KCNC2: variants seen among roughly 807,000 people sequenced by gnomAD.
The protein encoded by KCNC2 is potassium voltage-gated channel subfamily C member 2, also known as voltage-gated potassium channel KCNC2.
KCNC2 carries 21 observed loss-of-function variants against 44.5 expected under a neutral mutation model. That is an observed-to-expected ratio of 0.47 (90% CI 0.33 to 0.68). The LOEUF is 0.68. Among genes scored for constraint, KCNC2 ranks in the 30% least tolerant of loss-of-function variants. The pLI is 0.01. For missense variants in KCNC2, 589 were observed against 826.2 expected (o/e 0.71, Z 3.52); for synonymous variants, 391 against 339.1 (o/e 1.15, Z -1.68).
intron 2 of KCNC2, among the ~76,000 whole-genome samples, chr12:75,128,461 G>A (rs1888593861): frequency 6.6e-6 from 1 of 152,166 alleles, no homozygotes; most frequent in Non-Finnish European, 1.5e-5. Flanking sequence ...AGTTTTAACT[G>A]TAAGAACCTA....
chr12:75,128,860 G>C (rs1445393417), intron 2 of KCNC2, among the ~76,000 whole-genome samples: 4 of 152,274 alleles, frequency 2.6e-5, no homozygotes, highest in East Asian at 1.9e-4. Context: ...GATGCAATTA[G>C]CCTCTCACAT....
intron 2 of KCNC2, among the ~76,000 whole-genome samples, chr12:75,181,916 C>CT (rs61089425): frequency 0.035 from 1,652 of 47,836 alleles, 585 homozygotes; most frequent in Non-Finnish European, 0.051. Context: ...TAATATCTTC[C>CT]TTTTTTTTTT....
At chr12:75,195,401 A>G (rs2030674725) in intron 2 of KCNC2, among the ~76,000 whole-genome samples, 1 of 152,152 alleles carries the variant, frequency 6.6e-6, no homozygotes. Context: ...ATAGTGTTAA[A>G]TCTTGTAAAA....
chr12:75,101,133 C>A (rs1886338408), intron 2 of KCNC2, among the ~76,000 whole-genome samples: 1 of 151,994 alleles, frequency 6.6e-6, no homozygotes, highest in Admixed American at 6.6e-5. Context: ...GGATTTCAAA[C>A]CTTATATTTA....
intron 2 of KCNC2, among the ~76,000 whole-genome samples, chr12:75,064,406 G>A (rs1374416691): frequency 1.3e-5 from 2 of 151,934 alleles, no homozygotes; most frequent in African/African-American, 4.8e-5. Flanking sequence ...TTTTAATACA[G>A]TGTTCTAATT....
At chr12:75,069,356 G>A (rs994729632) in intron 2 of KCNC2, among the ~76,000 whole-genome samples, 7 of 151,558 alleles carry the variant, frequency 4.6e-5, no homozygotes, top group African/African-American at 1.2e-4. Flanking sequence ...GGCTGGTCTC[G>A]AACTCCCGAC....
intron 2 of KCNC2, among the ~76,000 whole-genome samples, chr12:75,097,838 A>G (rs977889486): frequency 1.3e-5 from 2 of 152,130 alleles, no homozygotes; most frequent in African/African-American, 4.8e-5. Context: ...TATGAAATAG[A>G]GACAGTGTTC....
rs2030610608 is a variant in KCNC2, at chr12:75,194,767, G to C, written c.687+12530C>G. Among the ~76,000 whole-genome samples the C allele has an allele frequency of 3.3e-5, 5 of 152,228 alleles. No homozygotes were observed. The South Asian group carries it at 1.0e-3, about 32-fold the overall frequency. ...TGTAAGGAAAATGACTAGGAGCATA[G>C]GTAGTAACAAGATTCTGAAGAACCA... On this transcript the variant is annotated intron_variant, in intron 2 of 4. Coordinates refer to ENST00000549446, the MANE Select transcript of KCNC2 (RefSeq NM_139137.4).
chr12:75,122,088 T>C lies in KCNC2; in HGVS notation c.688-70771A>G, dbSNP rs549132491. On this transcript the variant is annotated intron_variant, in intron 2 of 4. Transcript: ENST00000549446. ...GGAACAAGGAAAGAGAAGGACCATC[T>C]GGAGAAATCACAGGTCAACATCCAC... is the stretch of plus-strand genomic sequence containing the variant. Among the ~76,000 whole-genome samples, 18 of 152,280 alleles carry C rather than the reference T, an allele frequency of 1.2e-4. No homozygotes were observed. In the East Asian group the frequency reaches 3.5e-3, roughly 29 times the overall value.
chr12:75,101,752 G>A (rs533340379), intron 2 of KCNC2, among the ~76,000 whole-genome samples: 2 of 152,086 alleles, frequency 1.3e-5, no homozygotes, highest in South Asian at 4.1e-4. Flanking sequence ...CTTATTCTCA[G>A]CACCAGTGAA....
intron 2 of KCNC2, among the ~76,000 whole-genome samples, chr12:75,071,445 A>C (rs1249115251): frequency 1.3e-5 from 2 of 152,216 alleles, no homozygotes; most frequent in Non-Finnish European, 2.9e-5. Context: ...CATTATTTGT[A>C]ATCTTAAATG....
chr12:75,056,798 A>G (rs1187433795), intron 2 of KCNC2, among the ~76,000 whole-genome samples: 1 of 152,068 alleles, frequency 6.6e-6, no homozygotes, highest in Non-Finnish European at 1.5e-5. Flanking sequence ...AAGGAATTAG[A>G]TACTGCAACA....
intron 2 of KCNC2, among the ~76,000 whole-genome samples, chr12:75,172,194 A>G (rs1891874413): frequency 2.6e-5 from 4 of 151,828 alleles, no homozygotes; most frequent in Admixed American, 2.6e-4. Flanking sequence ...TGGAGTTGGA[A>G]GCCATTATCC....
Position 75,043,146 on chromosome 12 carries a change from G to A in KCNC2, c.1876C>T (p.Pro626Ser). 1.2e-6 allele frequency: 2 copies of A among 1,612,494 alleles called. No individual in the cohort carries two copies. Among genetic ancestry groups the A allele is most frequent in the Non-Finnish European group, 1.7e-6 (2 of 1,179,010 alleles). The change falls in exon 5 of 5, where the codon CCT becomes TCT. Residue 626 changes from proline (P) to serine (S), a missense_variant. Transcript: ENST00000549446. ...ATGGGAGATCGAGAGCGCCTCAGAG[G>A]ACAAGGAGAGTTGTAGGGTGATGTT... ...PVTSPYNSPC[P>S]LRRSRSPIPS...
chr12:75,189,498 A>G (rs1453321360), intron 2 of KCNC2, among the ~76,000 whole-genome samples: 4 of 152,198 alleles, frequency 2.6e-5, no homozygotes, highest in Non-Finnish European at 5.9e-5. Flanking sequence ...TTTTCCACCT[A>G]AAAAGCAGTC....
chr12:75,070,695 AT>A (rs1883312134), intron 2 of KCNC2, among the ~76,000 whole-genome samples: 1 of 151,902 alleles, frequency 6.6e-6, no homozygotes, highest in Non-Finnish European at 1.5e-5. Context: ...TAAATGCATT[AT>A]TAATATATTT....
chr12:75,168,437 C>T (rs1593013373), intron 2 of KCNC2, among the ~76,000 whole-genome samples: 1 of 151,406 alleles, frequency 6.6e-6, no homozygotes, highest in African/African-American at 2.4e-5. Context: ...AGTAGGGCTG[C>T]CAGGCTGCAG....
At chr12:75,091,147 C>T (rs1400803718) in intron 2 of KCNC2, among the ~76,000 whole-genome samples, 1 of 151,696 alleles carries the variant, frequency 6.6e-6, no homozygotes, top group South Asian at 2.1e-4. Flanking sequence ...ATTTTCCAGA[C>T]ATATTACAAT....
chr12:75,174,279 G>T (rs1357515405), intron 2 of KCNC2, among the ~76,000 whole-genome samples: 2 of 151,198 alleles, frequency 1.3e-5, no homozygotes, highest in Non-Finnish European at 3.0e-5. Context: ...GAACATTCTG[G>T]ATCATTAATT....
Sources: allele counts gnomAD v4.1 joint callset (sites outside exome capture counted in the v4.1 genomes callset), GRCh38; gene constraint gnomAD v4.1.1; transcripts MANE v1.5; gene names NCBI Gene and HGNC (gene_info 2026-07-23, HGNC 2026-07-21).